SEPTIN9: variants seen among roughly 807,000 people sequenced by gnomAD.
SEPTIN9 encodes septin-9.
SEPTIN9 carries 13 observed loss-of-function variants against 56.6 expected under a neutral mutation model. That is an observed-to-expected ratio of 0.23 (90% CI 0.15 to 0.37). SEPTIN9 has a LOEUF of 0.37. SEPTIN9 is among the 10% of genes least tolerant of loss of function. The pLI, the probability that SEPTIN9 is intolerant of heterozygous loss-of-function variation, is 1.00. For missense variants in SEPTIN9, 650 were observed against 823.1 expected, an observed-to-expected ratio of 0.79 and a Z score of 2.57; for synonymous variants, 332 against 334.1, an observed-to-expected ratio of 0.99 and a Z score of 0.07.
Position 77,486,491 on chromosome 17 carries a change from T to TGA in SEPTIN9, c.914-932_914-931insAG, listed in dbSNP as rs1244979944. 9.8e-4 allele frequency among the ~76,000 whole-genome samples: 91 copies of TGA among 92,894 alleles called. No homozygotes were observed. In the South Asian group the frequency reaches 0.011, roughly 11 times the overall value. The allele number at this position is 92,894 out of a possible 152,430, so 60.9% of individuals were successfully genotyped here. ...ATGGGGCTCCGAGTCTGGAGGGGTGTGTGTGTGTGTGTGTGTGTGTGTGTG... is the reference window on the plus strand; with the variant it reads ...ATGGGGCTCCGAGTCTGGAGGGGTGTGAGTGTGTGTGTGTGTGTGTGTGTGTG... On this transcript the variant is annotated intron_variant, in intron 4 of 11. Transcript: ENST00000427177.
At position 77,327,575 on chromosome 17, in the gene SEPTIN9, G is replaced by C. The variant is rs770440754; in HGVS notation, c.76+20378G>C. 6.6e-6 allele frequency among the ~76,000 whole-genome samples: 1 copy of C among 152,176 alleles called. No individual in the cohort carries two copies. Among genetic ancestry groups the C allele is most frequent in the Non-Finnish European group, 1.5e-5 (1 of 68,032 alleles). On this transcript the variant is annotated intron_variant, in intron 2 of 11. Transcript: ENST00000427177. The surrounding 1 kb of genome is among the most constrained non-coding windows in gnomAD (Gnocchi z 5.0). The stretch of plus-strand genomic sequence containing the variant: ...TGGGGGCTGGGTATGGGAGGGGATC[G>C]TGGGTGGGGAGATTCCTCTTAACCA...
rs570234100 is a variant in SEPTIN9, at chr17:77,436,660, A to T, written c.721+33957A>T. Among the ~76,000 whole-genome samples the T allele has an allele frequency of 1.3e-5, 2 of 151,898 alleles. No individual in the cohort carries two copies. The highest frequency in any genetic ancestry group is 4.8e-5 in the African/African-American group (2 of 41,336). On this transcript the variant is annotated intron_variant, in intron 3 of 11. Coordinates refer to ENST00000427177, the MANE Select transcript of SEPTIN9 (RefSeq NM_001113491.2). This position sits in a 1 kb window ranked among gnomAD's most constrained non-coding sequence, Gnocchi z 4.4. ...CTGGCCCCTGGCCCCGGCCACCTAC[A>T]CCTCCTGTTTTGCTGCACTAGCCTC...
chr17:77,421,827 C>G lies in SEPTIN9; in HGVS notation c.721+19124C>G, dbSNP rs926838258. Among the ~76,000 whole-genome samples, 1 of 152,006 alleles carries G rather than the reference C, an allele frequency of 6.6e-6. No homozygotes were observed. Among genetic ancestry groups the G allele is most frequent in the African/African-American group, 2.4e-5 (1 of 41,408 alleles). On this transcript the variant is annotated intron_variant, in intron 3 of 11. Coordinates refer to ENST00000427177, the MANE Select transcript of SEPTIN9 (RefSeq NM_001113491.2). The surrounding 1 kb of genome is among the most constrained non-coding windows in gnomAD (Gnocchi z 4.6). ...CATTTCACAGTCGAGACACCCTGGC[C>G]GAAGGTTCTGCTAAGCTCCATGGAG...
chr17:77,282,440 C>T (rs1479783604), intron 1 of SEPTIN9, among the ~76,000 whole-genome samples: 1 of 152,040 alleles, frequency 6.6e-6, no homozygotes, highest in African/African-American at 2.4e-5. Flanking sequence ...TTAATTCATT[C>T]AGATAGAAAG....
At chr17:77,488,886 G>T (rs758067936) in intron 7 of SEPTIN9, 22 bp downstream of exon 7, 1 of 1,612,048 alleles carries the variant, frequency 6.2e-7, no homozygotes, top group Admixed American at 1.7e-5. Flanking sequence ...CAGTGTCGGC[G>T]TCCTCATGCC....
intron 2 of SEPTIN9, among the ~76,000 whole-genome samples, chr17:77,388,227 C>T: frequency 6.6e-6 from 1 of 152,154 alleles, no homozygotes; most frequent in East Asian, 1.9e-4. Context: ...CAGGAGGGGC[C>T]CCGGCTGAGT....
At chr17:77,403,228 T>C (rs2035962130) in intron 3 of SEPTIN9, among the ~76,000 whole-genome samples, 1 of 152,124 alleles carries the variant, frequency 6.6e-6, no homozygotes, top group African/African-American at 2.4e-5. Context: ...GAGGCTTGCA[T>C]TGGAGCCCAT....
At chr17:77,320,745 GT>G (rs938455030) in intron 2 of SEPTIN9, among the ~76,000 whole-genome samples, 3 of 152,334 alleles carry the variant, frequency 2.0e-5, no homozygotes, top group Admixed American at 6.5e-5. Context: ...TGTGTGGTTT[GT>G]TTTTTGCTTC....
At position 77,317,791 on chromosome 17, in the gene SEPTIN9, G is replaced by T. The variant is rs2032763015; in HGVS notation, c.76+10594G>T. ...ATAAAGGCCAGGCACAGTGGCTTAT[G>T]CCTGTAATCCCAGCACTTTGGGAGG... On this transcript the variant is annotated intron_variant, in intron 2 of 11. Coordinates refer to ENST00000427177, the MANE Select transcript of SEPTIN9 (RefSeq NM_001113491.2). This position sits in a 1 kb window ranked among gnomAD's most constrained non-coding sequence, Gnocchi z 4.2. Among the ~76,000 whole-genome samples the T allele has an allele frequency of 6.6e-6, 1 of 152,194 alleles. No homozygotes were observed.
At chr17:77,480,629 C>G (rs1455914222) in intron 3 of SEPTIN9, among the ~76,000 whole-genome samples, 1 of 152,220 alleles carries the variant, frequency 6.6e-6, no homozygotes, top group Admixed American at 6.5e-5. Flanking sequence ...GATGAGCCCC[C>G]TGCAGCCTCC....
chr17:77,457,764 T>G (rs1360374507), intron 3 of SEPTIN9, among the ~76,000 whole-genome samples: 1 of 152,278 alleles, frequency 6.6e-6, no homozygotes, highest in Admixed American at 6.5e-5. Context: ...GGCCACAGTT[T>G]ACTCTGGACC....
rs1421000930 is a variant in SEPTIN9 at position 77,499,223 on chromosome 17, C to T, written c.*565C>T. On this transcript the variant is annotated 3_prime_UTR_variant, in exon 12 of 12. Transcript: ENST00000427177. ...CTAAGGGTAGAAAACTCCAGGGTCC[C>T]CTGCCACCGACTGCCCAGCCACTCC... 1 of 578,026 alleles carries T rather than the reference C, an allele frequency of 1.7e-6. No individual in the cohort carries two copies. Among genetic ancestry groups the T allele is most frequent in the South Asian group, 1.5e-5 (1 of 68,894 alleles). 35.8% of individuals were successfully genotyped at this position (578,026 alleles called of 1,614,324 possible).
At position 77,498,710 on chromosome 17, in the gene SEPTIN9, C is replaced by CG. The variant is rs1165215175; in HGVS notation, c.*52_*53insG. 41 of 1,173,974 alleles carry CG rather than the reference C, an allele frequency of 3.5e-5. No individual in the cohort carries two copies. In the East Asian group the frequency reaches 3.6e-4, roughly 10 times the overall value. The allele number at this position is 1,173,974 out of a possible 1,614,324, so 72.7% of individuals were successfully genotyped here. On this transcript the variant is annotated 3_prime_UTR_variant, in exon 12 of 12. Coordinates refer to ENST00000427177, the MANE Select transcript of SEPTIN9 (RefSeq NM_001113491.2). ...CTGCCCCCAAGTCATTTCCGTCCCCCCCCAGGCCCTCCCACCACCCCATTT... is the reference window on the plus strand; with the variant it reads ...CTGCCCCCAAGTCATTTCCGTCCCCCGCCCAGGCCCTCCCACCACCCCATTT...
At chr17:77,359,691 G>C (rs777488339) in intron 2 of SEPTIN9, among the ~76,000 whole-genome samples, 11 of 152,164 alleles carry the variant, frequency 7.2e-5, no homozygotes, top group Non-Finnish European at 1.0e-4. Flanking sequence ...AGCTACTCGA[G>C]AGGCTGAGAT....
At chr17:77,406,073 G>A (rs192798051) in intron 3 of SEPTIN9, among the ~76,000 whole-genome samples, 1 of 152,348 alleles carries the variant, frequency 6.6e-6, no homozygotes, top group African/African-American at 2.4e-5. Context: ...AGAGCTGTGG[G>A]TGCAGGGCAG....
At position 77,433,965 on chromosome 17, in the gene SEPTIN9, A is replaced by G. The variant is rs941235130; in HGVS notation, c.721+31262A>G. 6.6e-6 allele frequency among the ~76,000 whole-genome samples: 1 copy of G among 152,180 alleles called. No homozygotes were observed. The highest frequency in any genetic ancestry group is 6.5e-5 in the Admixed American group (1 of 15,290). On this transcript the variant is annotated intron_variant, in intron 3 of 11. Transcript: ENST00000427177. The surrounding 1 kb of genome is among the most constrained non-coding windows in gnomAD (Gnocchi z 6.4). ...TCCCCCGATCGGGGGACTTCCCAGC[A>G]CAGAGCTTTCTGGCCTCTGCAGGGA...
rs931488506 is a variant in SEPTIN9, at chr17:77,498,850, C to T, written c.*192C>T. On this transcript the variant is annotated 3_prime_UTR_variant, in exon 12 of 12. Transcript: ENST00000427177. ...GTCAGTGATGAGGCCGCGGCCTCCCCGAGGTTGTGGGGAGGCTGCACTGGA... is the reference window on the plus strand; with the variant it reads ...GTCAGTGATGAGGCCGCGGCCTCCCTGAGGTTGTGGGGAGGCTGCACTGGA... The T allele has an allele frequency of 4.3e-5, 27 of 621,274 alleles. No individual in the cohort carries two copies. Among genetic ancestry groups the T allele is most frequent in the East Asian group, 6.3e-5 (2 of 31,554 alleles). The allele number at this position is 621,274 out of a possible 1,614,324, so 38.5% of individuals were successfully genotyped here.
chr17:77,294,123 C>A (rs4789434), intron 1 of SEPTIN9, among the ~76,000 whole-genome samples: 1,481 of 121,064 alleles, frequency 0.012, 14 homozygotes, highest in African/African-American at 0.017. Context: ...AAAAAAACAA[C>A]AAAAAAAAAC....
chr17:77,355,875 G>A (rs985164659), intron 2 of SEPTIN9, among the ~76,000 whole-genome samples: 6 of 150,908 alleles, frequency 4.0e-5, no homozygotes, highest in Non-Finnish European at 5.9e-5. Flanking sequence ...CCAGCTACTC[G>A]GGAGGCTGAG....
Sources: allele counts gnomAD v4.1 joint callset (sites outside exome capture counted in the v4.1 genomes callset), GRCh38; gene constraint gnomAD v4.1.1; non-coding constraint Gnocchi (gnomAD v3.1); transcripts MANE v1.5; gene names NCBI Gene and HGNC (gene_info 2026-07-23, HGNC 2026-07-21).